PRKCB: variants seen among roughly 807,000 people sequenced by gnomAD.
The protein encoded by PRKCB is protein kinase C beta.
In PRKCB, 13 loss-of-function variants were observed where a neutral mutation model predicts 81.5. The ratio of observed to expected loss-of-function variants is 0.16; its 90% CI spans 0.10 to 0.25. The LOEUF (loss-of-function observed/expected upper bound fraction) is 0.25, where lower values mean the gene tolerates loss of function less well. Ranked by LOEUF, PRKCB falls within the 10% of genes least tolerant of loss-of-function variation. The pLI is 1.00. For synonymous variants in PRKCB, 335 were observed against 321.4 expected, an observed-to-expected ratio of 1.04 and a Z score of -0.45; for missense variants, 509 against 875.7, an observed-to-expected ratio of 0.58 and a Z score of 5.29.
intron 5 of PRKCB, among the ~76,000 whole-genome samples, chr16:24,061,644 G>T (rs910977788): frequency 6.6e-6 from 1 of 152,086 alleles, no homozygotes; most frequent in Non-Finnish European, 1.5e-5. Context: ...GTACAGAGAG[G>T]TTGTTCCTTG....
At chr16:24,111,830 T>C (rs1180812476) in intron 7 of PRKCB, among the ~76,000 whole-genome samples, 1 of 152,110 alleles carries the variant, frequency 6.6e-6, no homozygotes, top group African/African-American at 2.4e-5. Flanking sequence ...GTCACAGTAA[T>C]AATAATCATG....
intron 16 of PRKCB, among the ~76,000 whole-genome samples, chr16:24,201,033 G>T (rs1336293379): frequency 5.3e-5 from 8 of 152,144 alleles, no homozygotes; most frequent in Non-Finnish European, 1.2e-4. Context: ...GTAGCCGTCA[G>T]CTTCTTACCA....
intron 11 of PRKCB, 53 bp from the exon 12 acceptor site, chr16:24,174,465 G>A (rs1967495626): frequency 6.7e-7 from 1 of 1,503,154 alleles, no homozygotes; most frequent in Admixed American, 1.8e-5. Context: ...GCATTGCCAA[G>A]CATATGGTGT....
chr16:23,976,739 T>G (rs569044358), intron 2 of PRKCB, among the ~76,000 whole-genome samples: 1 of 152,294 alleles, frequency 6.6e-6, no homozygotes, highest in Admixed American at 6.5e-5. Context: ...TGTCCTGCTC[T>G]CTGCATCTTT....
rs779850817 is a variant in PRKCB, at chr16:24,004,844, C to T, written c.288+16254C>T. Among the ~76,000 whole-genome samples the T allele has an allele frequency of 8.1e-4, 123 of 152,170 alleles. 1 individual carries two copies. The highest frequency in any genetic ancestry group is 1.6e-3 in the Non-Finnish European group (108 of 68,018). On this transcript the variant is annotated intron_variant, in intron 3 of 16. Coordinates refer to ENST00000643927, the MANE Select transcript of PRKCB (RefSeq NM_002738.7). ...TCATTTTGACCTAAGAATGACAATT[C>T]TAGGAATTTTTGGTAAGAAACCATT... is the stretch of plus-strand genomic sequence containing the variant.
intron 10 of PRKCB, among the ~76,000 whole-genome samples, chr16:24,166,085 C>G (rs1038191690): frequency 2.0e-5 from 3 of 151,734 alleles, no homozygotes; most frequent in East Asian, 1.9e-4. Context: ...TAGGGTTTCT[C>G]CATGTTGGCC....
At chr16:24,206,205 T>A (rs754338519) in intron 16 of PRKCB, among the ~76,000 whole-genome samples, 8 of 152,100 alleles carry the variant, frequency 5.3e-5, no homozygotes, top group Non-Finnish European at 7.4e-5. Context: ...AGACCACAAA[T>A]GACTTTTTAA....
intron 15 of PRKCB, among the ~76,000 whole-genome samples, chr16:24,186,908 T>C (rs1331581974): frequency 1.3e-5 from 2 of 152,188 alleles, no homozygotes; most frequent in East Asian, 1.9e-4. Flanking sequence ...AGTGAATTGC[T>C]TGAAAATATT....
intron 2 of PRKCB, among the ~76,000 whole-genome samples, chr16:23,949,208 C>G (rs945238546): frequency 6.6e-6 from 1 of 151,928 alleles, no homozygotes; most frequent in Non-Finnish European, 1.5e-5. Flanking sequence ...AAAGAAAGAA[C>G]GAACAAACAA....
chr16:24,122,282 G>A lies in PRKCB; in HGVS notation c.919-1553G>A, dbSNP rs192130812. Among the ~76,000 whole-genome samples, 441 of 152,154 alleles carry A rather than the reference G, an allele frequency of 2.9e-3. 1 individual carries two copies. Among genetic ancestry groups the A allele is most frequent in the African/African-American group, 1.0e-2 (413 of 41,492 alleles). ...CAGAGAGCAGCAAGGAGGCCAGTGC[G>A]GAAGTAGAAAGGAGGCTGAAATCAG... On this transcript the variant is annotated intron_variant, in intron 8 of 16. Coordinates refer to ENST00000643927, the MANE Select transcript of PRKCB (RefSeq NM_002738.7).
Position 24,185,414 on chromosome 16 carries a change from G to T in PRKCB, c.1615-46G>T, listed in dbSNP as rs945856638. The T allele has an allele frequency of 1.9e-6, 3 of 1,552,406 alleles. No individual in the cohort carries two copies. The South Asian group carries it at 3.4e-5, about 17-fold the overall frequency. ...GCCAGTTGAGGGGAGCTAGGGGGAG[G>T]GTTCAAGCAGGGATTCTTCTCCTCC... is the stretch of plus-strand genomic sequence containing the variant. On this transcript the variant is annotated intron_variant, in intron 14 of 16. Transcript: ENST00000643927.
intron 2 of PRKCB, among the ~76,000 whole-genome samples, chr16:23,894,110 T>C (rs1028399832): frequency 3.3e-5 from 5 of 152,228 alleles, no homozygotes; most frequent in African/African-American, 1.2e-4. Context: ...GATGGTGGTA[T>C]GTCATCTTCC....
intron 2 of PRKCB, among the ~76,000 whole-genome samples, chr16:23,894,211 G>C (rs190162641): frequency 6.6e-6 from 1 of 152,206 alleles, no homozygotes; most frequent in Non-Finnish European, 1.5e-5. Flanking sequence ...AGTTTTGGTT[G>C]CATCACATTT....
chr16:23,954,875 A>T (rs775584744), intron 2 of PRKCB, among the ~76,000 whole-genome samples: 1 of 152,146 alleles, frequency 6.6e-6, no homozygotes, highest in Non-Finnish European at 1.5e-5. Flanking sequence ...AACACGATGA[A>T]ACCCTGTCTC....
intron 7 of PRKCB, among the ~76,000 whole-genome samples, chr16:24,104,932 C>T (rs1966555491): frequency 6.6e-6 from 1 of 152,196 alleles, no homozygotes; most frequent in Non-Finnish European, 1.5e-5. Flanking sequence ...TTGAACTGAC[C>T]TTTGCATATG....
intron 2 of PRKCB, among the ~76,000 whole-genome samples, chr16:23,919,640 C>G (rs1288849313): frequency 2.0e-5 from 3 of 152,322 alleles, no homozygotes; most frequent in Non-Finnish European, 4.4e-5. Context: ...TATCATTTCT[C>G]AAACTCAAAA....
intron 2 of PRKCB, among the ~76,000 whole-genome samples, chr16:23,879,424 G>A (rs1963069016): frequency 6.7e-6 from 1 of 150,084 alleles, no homozygotes; most frequent in African/African-American, 2.5e-5. Flanking sequence ...TGAATCTCCT[G>A]CAAACAGATG....
At chr16:23,933,641 C>T (rs1277088306) in intron 2 of PRKCB, among the ~76,000 whole-genome samples, 1 of 149,144 alleles carries the variant, frequency 6.7e-6, no homozygotes. Flanking sequence ...TCCATCCATC[C>T]ATCCATCCAT....
chr16:24,122,444 C>T (rs1966809366), intron 8 of PRKCB, among the ~76,000 whole-genome samples: 1 of 124,882 alleles, frequency 8.0e-6, no homozygotes, highest in Non-Finnish European at 1.5e-5. Flanking sequence ...GATTCTACCA[C>T]GAGGCTTTTT....
Sources: allele counts gnomAD v4.1 joint callset (sites outside exome capture counted in the v4.1 genomes callset), GRCh38; gene constraint gnomAD v4.1.1; transcripts MANE v1.5; gene names NCBI Gene and HGNC (gene_info 2026-07-23, HGNC 2026-07-21).